The following RBM17 variants were observed in gnomAD, a reference collection of about 807,000 sequenced individuals.
RBM17 encodes the protein splicing factor 45.
Under a neutral mutation model 53.2 loss-of-function variants are expected in RBM17, and 7 were observed. The ratio of observed to expected loss-of-function variants is 0.13; its 90% CI spans 0.07 to 0.25. RBM17 has a LOEUF of 0.25. RBM17 is among the 10% of genes least tolerant of loss of function. The pLI, the probability that RBM17 is intolerant of heterozygous loss-of-function variation, is 1.00. For missense variants in RBM17, 257 were observed against 496.7 expected, an observed-to-expected ratio of 0.52 and a Z score of 4.59; for synonymous variants, 167 against 178.1, an observed-to-expected ratio of 0.94 and a Z score of 0.50.
Position 6,114,118 on chromosome 10 carries a change from G to A in RBM17, c.1000G>A (p.Gly334Ser), listed in dbSNP as rs2132956135. 6.2e-7 allele frequency: 1 copy of A among 1,611,650 alleles called. No homozygotes were observed. Among genetic ancestry groups the A allele is most frequent in the Admixed American group, 1.7e-5 (1 of 59,990 alleles). The change falls in exon 10 of 12, where the codon GGC becomes AGC. Residue 334 changes from glycine (G) to serine (S), a missense_variant. By Grantham distance (56) the Gly-to-Ser change is moderately conservative. Transcript: ENST00000379888. ...AACCAAGGAAGAATGTGAAAAATAT[G>A]GCAAAGTTGGAAAATGTGTGATATT... Reference protein sequence around the residue: ...VETKEECEKYGKVGKCVIFEI... With the variant: ...VETKEECEKYSKVGKCVIFEI...
intron 5 of RBM17, 148 bp from the exon 6 acceptor site, chr10:6,108,538 A>C (rs11256802): frequency 0.091 from 50,632 of 555,128 alleles, 2,674 homozygotes; most frequent in East Asian, 0.19. Flanking sequence ...AGGTTTGTTC[A>C]TATGTAGCAG....
intron 11 of RBM17, 59 bp downstream of exon 11, chr10:6,115,370 T>C: frequency 6.5e-7 from 1 of 1,539,006 alleles, no homozygotes; most frequent in Non-Finnish European, 9.0e-7. Flanking sequence ...CCTTAATCTT[T>C]ACAAGTAAAG....
chr10:6,115,785 T>C lies in RBM17; in HGVS notation c.*229T>C, dbSNP rs1588353849. On this transcript the variant is annotated 3_prime_UTR_variant, in exon 12 of 12. Coordinates refer to ENST00000379888, the MANE Select transcript of RBM17 (RefSeq NM_032905.5). ...GTGTGCCTCTCTGGTTGTTTCTCTTTTTTATTATTACTCCTGAGTTGATGA... is the reference window on the plus strand; with the variant it reads ...GTGTGCCTCTCTGGTTGTTTCTCTTCTTTATTATTACTCCTGAGTTGATGA... 5 of 365,576 alleles carry C rather than the reference T, an allele frequency of 1.4e-5. No individual in the cohort carries two copies. In the East Asian group the frequency reaches 2.1e-4, roughly 15 times the overall value. 22.6% of individuals were successfully genotyped at this position (365,576 alleles called of 1,614,324 possible). A position where few individuals can be genotyped will look rare whatever the true frequency, so the allele number is the denominator to read the frequency against.
At chr10:6,106,621 A>G (rs902837821) in intron 5 of RBM17, among the ~76,000 whole-genome samples, 5 of 152,198 alleles carry the variant, frequency 3.3e-5, no homozygotes, top group African/African-American at 7.2e-5. Flanking sequence ...CACATTTCAT[A>G]TCCGCTATCT....
rs191012322 is a variant in RBM17 at position 6,092,170 on chromosome 10, A to G, written c.-19+2977A>G. On this transcript the variant is annotated intron_variant, in intron 1 of 11. Transcript: ENST00000379888. Reference sequence around the variant, plus strand: ...AAAGTTATAAAAACCAGCAATTTGTATTTACTTTTGATCCTGGCTTCTTAT... The same window carrying G: ...AAAGTTATAAAAACCAGCAATTTGTGTTTACTTTTGATCCTGGCTTCTTAT... Among the ~76,000 whole-genome samples the G allele has an allele frequency of 4.3e-4, 66 of 152,316 alleles. 1 individual carries two copies. In the East Asian group the frequency reaches 7.9e-3, roughly 18 times the overall value.
chr10:6,112,365 T>C lies in RBM17; in HGVS notation c.856+4T>C, dbSNP rs769242329. On this transcript the variant is annotated splice_donor_region_variant and intron_variant, in intron 8 of 11. Transcript: ENST00000379888. This position sits in a 1 kb window ranked among gnomAD's most constrained non-coding sequence, Gnocchi z 4.4. ...GTGGGCGACGCCACAGAGAAAGGTG[T>C]GTCCCCAGGGAAGCGTGTGACTAGA... 1.9e-6 allele frequency: 3 copies of C among 1,613,464 alleles called. No individual in the cohort carries two copies. The African/African-American group carries it at 4.0e-5, about 22-fold the overall frequency.
At chr10:6,102,672 G>C (rs1022998362) in intron 3 of RBM17, among the ~76,000 whole-genome samples, 2 of 152,076 alleles carry the variant, frequency 1.3e-5, no homozygotes, top group Admixed American at 1.3e-4. Flanking sequence ...TTGTTACATA[G>C]TTTTCACGAT....
At chr10:6,099,426 A>G (rs1357206812) in intron 2 of RBM17, among the ~76,000 whole-genome samples, 1 of 152,118 alleles carries the variant, frequency 6.6e-6, no homozygotes, top group East Asian at 1.9e-4. Context: ...CCATTTGAAA[A>G]AATACAGTTG....
At position 6,112,092 on chromosome 10, in the gene RBM17, T is replaced by C; in HGVS notation, c.705-118T>C. ...ACTCCTAGTTAATGAGTGACTTTGT[T>C]GAAGCCCCTGTGGAGCATGCACTCT... On this transcript the variant is annotated intron_variant, in intron 7 of 11. Coordinates refer to ENST00000379888, the MANE Select transcript of RBM17 (RefSeq NM_032905.5). This position sits in a 1 kb window ranked among gnomAD's most constrained non-coding sequence, Gnocchi z 4.4. The C allele has an allele frequency of 1.0e-6, 1 of 974,806 alleles. No homozygotes were observed. The highest frequency in any genetic ancestry group is 1.5e-6 in the Non-Finnish European group (1 of 657,514). 60.4% of individuals were successfully genotyped at this position (974,806 alleles called of 1,614,324 possible). A position where few individuals can be genotyped will look rare whatever the true frequency, so the allele number is the denominator to read the frequency against.
intron 3 of RBM17, among the ~76,000 whole-genome samples, chr10:6,102,556 G>C (rs2132945810): frequency 6.6e-6 from 1 of 152,202 alleles, no homozygotes; most frequent in African/African-American, 2.4e-5. Flanking sequence ...GTTTATTCCT[G>C]CTACATCTAA....
chr10:6,093,161 C>T (rs1392323202), intron 1 of RBM17, among the ~76,000 whole-genome samples: 2 of 152,160 alleles, frequency 1.3e-5, no homozygotes, highest in African/African-American at 4.8e-5. Flanking sequence ...TTGCCTCCCT[C>T]TCTGGGGGTT....
chr10:6,097,407 A>G (rs1352103378), intron 2 of RBM17, among the ~76,000 whole-genome samples: 2 of 152,112 alleles, frequency 1.3e-5, no homozygotes, highest in East Asian at 3.8e-4. Flanking sequence ...GAAAAACAGT[A>G]CTCTGCGGGG....
In RBM17 at chr10:6,110,131, A is replaced by T; in HGVS notation, c.704+4A>T. The T allele has an allele frequency of 6.2e-7, 1 of 1,605,154 alleles. No individual in the cohort carries two copies. On this transcript the variant is annotated splice_donor_region_variant and intron_variant, in intron 7 of 11. Coordinates refer to ENST00000379888, the MANE Select transcript of RBM17 (RefSeq NM_032905.5). ...ACTCCTTCCTCGCTAACATGGGGTA[A>T]TGATTTAATGTTCTTATCTAAGGAC...
chr10:6,099,501 C>T (rs1281853245), intron 2 of RBM17, among the ~76,000 whole-genome samples: 2 of 152,066 alleles, frequency 1.3e-5, no homozygotes, highest in Admixed American at 6.6e-5. Context: ...CCAAGCGTGC[C>T]CAAGTCCCTT....
chr10:6,095,901 C>T (rs755061934), intron 1 of RBM17, among the ~76,000 whole-genome samples: 2 of 152,040 alleles, frequency 1.3e-5, no homozygotes, highest in Non-Finnish European at 2.9e-5. Flanking sequence ...AAATGCTTGC[C>T]GAATCAGACC....
At position 6,115,990 on chromosome 10, in the gene RBM17, A is replaced by G. The variant is rs896502158; in HGVS notation, c.*434A>G. On this transcript the variant is annotated 3_prime_UTR_variant, in exon 12 of 12. Transcript: ENST00000379888. ...CAAGTTACTAAATTGTAGTTTCATA[A>G]ATTCTGTAGTAAAGTATCATCTTGG... 1.3e-5 allele frequency: 2 copies of G among 152,920 alleles called. No individual in the cohort carries two copies. The highest frequency in any genetic ancestry group is 4.8e-5 in the African/African-American group (2 of 41,456). The allele number at this position is 152,920 out of a possible 1,614,324, so 9.5% of individuals were successfully genotyped here.
At chr10:6,094,519 C>T (rs998360334) in intron 1 of RBM17, among the ~76,000 whole-genome samples, 11 of 152,212 alleles carry the variant, frequency 7.2e-5, no homozygotes, top group Middle Eastern at 3.4e-3. Context: ...ACAGAAGAAC[C>T]TGTAGTTCAG....
intron 1 of RBM17, among the ~76,000 whole-genome samples, chr10:6,092,992 A>G (rs1840510443): frequency 6.6e-6 from 1 of 152,230 alleles, no homozygotes; most frequent in South Asian, 2.1e-4. Flanking sequence ...GTGGTCTCAT[A>G]AAATCTCATT....
At chr10:6,098,054 T>TAAACTC (rs1564565994) in intron 2 of RBM17, among the ~76,000 whole-genome samples, 1 of 152,112 alleles carries the variant, frequency 6.6e-6, no homozygotes, top group African/African-American at 2.4e-5. Flanking sequence ...GTCCTTGAAA[T>TAAACTC]AACATGTAAA....
Sources: allele counts gnomAD v4.1 joint callset (sites outside exome capture counted in the v4.1 genomes callset), GRCh38; gene constraint gnomAD v4.1.1; non-coding constraint Gnocchi (gnomAD v3.1); transcripts MANE v1.5; gene names NCBI Gene and HGNC (gene_info 2026-07-23, HGNC 2026-07-21).